Variants in GRM5 observed in about 807,000 individuals in gnomAD.
The protein encoded by GRM5 is metabotropic glutamate receptor 5.
In GRM5, 19 loss-of-function variants were observed where a neutral mutation model predicts 83.1. That is an observed-to-expected ratio of 0.23 (90% confidence interval 0.16 to 0.34). GRM5 has a LOEUF of 0.34. Among genes scored for constraint, GRM5 ranks in the 10% least tolerant of loss-of-function variants. GRM5 has a pLI of 1.00. For synonymous variants in GRM5, 675 were observed against 633.6 expected (o/e 1.07, Z -0.98); for missense variants, 1,160 against 1,588.3 (o/e 0.73, Z 4.58).
intron 3 of GRM5, among the ~76,000 whole-genome samples, chr11:88,745,354 G>A (rs1903847): frequency 0.09 from 13,292 of 148,434 alleles, 683 homozygotes; most frequent in African/African-American, 0.15. Flanking sequence ...CTACAGGCAC[G>A]TGCCACCCCA....
intron 2 of GRM5, among the ~76,000 whole-genome samples, chr11:88,899,714 G>A (rs1313361880): frequency 6.6e-6 from 1 of 151,822 alleles, no homozygotes; most frequent in Non-Finnish European, 1.5e-5. Flanking sequence ...GTGGGAATAA[G>A]CCCACACCTC....
intron 2 of GRM5, among the ~76,000 whole-genome samples, chr11:89,038,721 G>A (rs1013092034): frequency 1.5e-4 from 23 of 152,318 alleles, no homozygotes; most frequent in Middle Eastern, 6.8e-3. Context: ...GAAACAAGTA[G>A]GGTTTTTTGT....
chr11:88,542,705 G>A (rs1309255594), intron 8 of GRM5, among the ~76,000 whole-genome samples: 2 of 152,148 alleles, frequency 1.3e-5, no homozygotes, highest in Non-Finnish European at 2.9e-5. Flanking sequence ...AAGGAGCTTA[G>A]AATCCAATGG....
At position 89,047,902 on chromosome 11, in the gene GRM5, T is replaced by C. The variant is rs1266995810; in HGVS notation, c.-30A>G. 1.3e-6 allele frequency: 2 copies of C among 1,576,240 alleles called. No homozygotes were observed. The highest frequency in any genetic ancestry group is 1.7e-5 in the Admixed American group (1 of 59,268). ...GGAAAGGAGTTCAAGCCAATAAAGATAGCATGGTGGGGAAAATTCAGGAGG... is the reference window on the plus strand; with the variant it reads ...GGAAAGGAGTTCAAGCCAATAAAGACAGCATGGTGGGGAAAATTCAGGAGG... On this transcript the variant is annotated 5_prime_UTR_variant, in exon 2 of 10. Coordinates refer to ENST00000305447, the MANE Select transcript of GRM5 (RefSeq NM_001143831.3). This position sits in a 1 kb window ranked among gnomAD's most constrained non-coding sequence, Gnocchi z 5.1.
intron 7 of GRM5, among the ~76,000 whole-genome samples, chr11:88,572,128 C>G (rs1943016213): frequency 6.6e-6 from 1 of 152,172 alleles, no homozygotes; most frequent in Non-Finnish European, 1.5e-5. Flanking sequence ...GCTGTTTGTA[C>G]TGGGTCTGAC....
intron 3 of GRM5, among the ~76,000 whole-genome samples, chr11:88,722,228 G>GAATT (rs1215302100): frequency 6.6e-6 from 1 of 152,238 alleles, no homozygotes; most frequent in African/African-American, 2.4e-5. Flanking sequence ...TGGAATAGCA[G>GAATT]AATTATACTG....
chr11:88,860,134 A>AT (rs1202903002), intron 2 of GRM5, among the ~76,000 whole-genome samples: 1 of 152,120 alleles, frequency 6.6e-6, no homozygotes, highest in African/African-American at 2.4e-5. Flanking sequence ...AGCTTTTATT[A>AT]TTTTTTAAAA....
At chr11:88,519,476 A>T (rs308879) in intron 9 of GRM5, among the ~76,000 whole-genome samples, 1 of 152,038 alleles carries the variant, frequency 6.6e-6, no homozygotes, top group Non-Finnish European at 1.5e-5. Flanking sequence ...GAATTGCAGA[A>T]TCAGACTGAG....
chr11:88,987,331 A>G (rs1660115962), intron 2 of GRM5, among the ~76,000 whole-genome samples: 2 of 152,146 alleles, frequency 1.3e-5, no homozygotes, highest in South Asian at 4.1e-4. Context: ...CCACGAGATT[A>G]TATCCCCCAG....
chr11:88,816,103 C>T (rs1943673421), intron 3 of GRM5, among the ~76,000 whole-genome samples: 1 of 146,704 alleles, frequency 6.8e-6, no homozygotes, highest in African/African-American at 2.7e-5. Context: ...GTCCCAGCTA[C>T]TCGGGAGGCT....
intron 2 of GRM5, among the ~76,000 whole-genome samples, chr11:88,939,542 T>C (rs1938015057): frequency 6.6e-6 from 1 of 151,946 alleles, no homozygotes; most frequent in South Asian, 2.1e-4. Flanking sequence ...TAATTCTCAC[T>C]TGGCCTTTTA....
intron 3 of GRM5, among the ~76,000 whole-genome samples, chr11:88,789,740 A>T (rs1943137089): frequency 6.6e-6 from 1 of 152,152 alleles, no homozygotes; most frequent in Non-Finnish European, 1.5e-5. Flanking sequence ...AGTCCAAATG[A>T]CCTTTCCTTC....
chr11:88,618,233 G>A (rs1437294499), intron 4 of GRM5, among the ~76,000 whole-genome samples: 1 of 152,132 alleles, frequency 6.6e-6, no homozygotes, highest in Non-Finnish European at 1.5e-5. Flanking sequence ...TTCTCCATTA[G>A]ATTTAAACAG....
At chr11:88,718,866 G>A (rs1993842) in intron 3 of GRM5, among the ~76,000 whole-genome samples, 1 of 151,782 alleles carries the variant, frequency 6.6e-6, no homozygotes. Flanking sequence ...CTTTCTCAAA[G>A]AAGTCACAGA....
intron 1 of GRM5, among the ~76,000 whole-genome samples, chr11:89,060,557 C>T (rs555575342): frequency 1.3e-5 from 2 of 152,164 alleles, no homozygotes; most frequent in East Asian, 3.9e-4. Flanking sequence ...ATACCTACTG[C>T]TTAGCATGAT....
At position 88,590,805 on chromosome 11, in the gene GRM5, T is replaced by C. The variant is rs12293974; in HGVS notation, c.1564-78A>G. ...CAATTCTATATTCCAATGTGCTGTT[T>C]TGCAAAGCAGAAAGGCCTTTCACAT... On this transcript the variant is annotated intron_variant, in intron 6 of 9. Coordinates refer to ENST00000305447, the MANE Select transcript of GRM5 (RefSeq NM_001143831.3). 0.012 allele frequency: 14,219 copies of C among 1,142,940 alleles called. 1,281 individuals are homozygous for C. The African/African-American group carries it at 0.19, about 15-fold the overall frequency. 70.8% of individuals were successfully genotyped at this position (1,142,940 alleles called of 1,614,324 possible).
chr11:88,818,915 CTATTA>C (rs1212006062), intron 3 of GRM5, among the ~76,000 whole-genome samples: 2 of 152,166 alleles, frequency 1.3e-5, no homozygotes, highest in Admixed American at 1.3e-4. Flanking sequence ...TTAATTGAAT[CTATTA>C]TGAGAGTTTA....
At chr11:88,816,549 AAAAAAGAAAAGAAAAG>A (rs1261172218) in intron 3 of GRM5, among the ~76,000 whole-genome samples, 3,317 of 149,602 alleles carry the variant, frequency 0.022, 130 homozygotes, top group African/African-American at 0.078. Flanking sequence ...AAAAAAAAAA[AAAAAAGAAAAGAAAAG>A]AAAAAGAAAT....
chr11:88,710,533 C>T (rs1941259714), intron 3 of GRM5, among the ~76,000 whole-genome samples: 1 of 151,994 alleles, frequency 6.6e-6, no homozygotes, highest in African/African-American at 2.4e-5. Flanking sequence ...CTTTCCACTC[C>T]CACAGAATAT....
Sources: gnomAD v4.1 joint callset for allele counts (sites outside exome capture counted in the v4.1 genomes callset) on GRCh38, gnomAD v4.1.1 for gene constraint, Gnocchi (gnomAD v3.1) non-coding constraint, MANE v1.5 for transcripts, NCBI Gene and HGNC (gene_info 2026-07-23, HGNC 2026-07-21) for gene names.